Variants in CLEC16A observed in about 807,000 individuals in gnomAD.
CLEC16A encodes protein CLEC16A.
In CLEC16A, 51 loss-of-function variants were observed where a neutral mutation model predicts 109.5. The ratio of observed to expected loss-of-function variants is 0.47; its 90% CI spans 0.37 to 0.59. The LOEUF is 0.59. Ranked by LOEUF, CLEC16A falls within the 20% of genes least tolerant of loss-of-function variation. The pLI, the probability that CLEC16A is intolerant of heterozygous loss-of-function variation, is 0.00. For synonymous variants in CLEC16A, 673 were observed against 564.2 expected (o/e 1.19, Z -2.73); for missense variants, 1,339 against 1,394.0 (o/e 0.96, Z 0.63).
chr16:11,020,909 G>C (rs904444340), intron 12 of CLEC16A, among the ~76,000 whole-genome samples: 5 of 152,204 alleles, frequency 3.3e-5, no homozygotes, highest in Non-Finnish European at 7.3e-5. Context: ...TCCACAATGG[G>C]ATTGGAGGGA....
chr16:11,024,752 C>A, intron 12 of CLEC16A, 69 bp from the exon 13 acceptor site: 1 of 1,208,998 alleles, frequency 8.3e-7, no homozygotes, highest in Non-Finnish European at 1.2e-6. Context: ...ACCCCATGTG[C>A]AGGTTAGAGA....
At chr16:11,034,976 C>G (rs567265810) in intron 13 of CLEC16A, among the ~76,000 whole-genome samples, 1 of 152,120 alleles carries the variant, frequency 6.6e-6, no homozygotes, top group Non-Finnish European at 1.5e-5. Context: ...AGCCGTCTTA[C>G]CTTTCACATG....
chr16:11,049,356 C>T (rs973639778), intron 17 of CLEC16A, among the ~76,000 whole-genome samples: 3 of 152,118 alleles, frequency 2.0e-5, no homozygotes, highest in Non-Finnish European at 2.9e-5. Flanking sequence ...CATAGCCACC[C>T]AGGCTGTATA....
At chr16:10,979,834 C>G (rs1018238493) in intron 9 of CLEC16A, among the ~76,000 whole-genome samples, 3 of 152,144 alleles carry the variant, frequency 2.0e-5, no homozygotes, top group African/African-American at 7.2e-5. Context: ...TATCGCGGTT[C>G]TAGTTCCCAG....
intron 10 of CLEC16A, among the ~76,000 whole-genome samples, chr16:10,996,069 G>A (rs1460343815): frequency 1.3e-5 from 2 of 152,076 alleles, no homozygotes; most frequent in Non-Finnish European, 2.9e-5. Flanking sequence ...CCCTGGGCAG[G>A]CTGCCTGGTG....
chr16:10,962,408 T>C (rs749286930), intron 2 of CLEC16A, 47 bp from the exon 3 acceptor site: 1 of 1,611,850 alleles, frequency 6.2e-7, no homozygotes, highest in Non-Finnish European at 8.5e-7. Context: ...AATTTCTGTT[T>C]CCACATGTGG....
At chr16:10,973,791 G>A (rs1449327913) in intron 7 of CLEC16A, among the ~76,000 whole-genome samples, 1 of 148,754 alleles carries the variant, frequency 6.7e-6, no homozygotes, top group South Asian at 2.1e-4. Flanking sequence ...GGCCAATCTT[G>A]CATTCCTGGG....
chr16:11,116,635 G>A (rs1454418257), intron 19 of CLEC16A, among the ~76,000 whole-genome samples: 1 of 152,150 alleles, frequency 6.6e-6, no homozygotes, highest in African/African-American at 2.4e-5. Flanking sequence ...ACCCGAGAAA[G>A]GAAAGAGAAA....
intron 23 of CLEC16A, among the ~76,000 whole-genome samples, chr16:11,166,923 C>T (rs2068291528): frequency 6.6e-6 from 1 of 152,044 alleles, no homozygotes; most frequent in Non-Finnish European, 1.5e-5. Context: ...AAAAGAATCG[C>T]GTTCCTGCTG....
intron 19 of CLEC16A, among the ~76,000 whole-genome samples, chr16:11,065,452 T>C (rs1163729092): frequency 6.6e-6 from 1 of 152,212 alleles, no homozygotes; most frequent in Non-Finnish European, 1.5e-5. Context: ...GAAGACCCAT[T>C]CATGCATTCA....
intron 19 of CLEC16A, among the ~76,000 whole-genome samples, chr16:11,085,328 A>G (rs887917990): frequency 2.0e-5 from 3 of 152,270 alleles, no homozygotes; most frequent in Non-Finnish European, 4.4e-5. Context: ...TAAGAAACAG[A>G]TGGCGGGATG....
chr16:11,149,828 G>C (rs918896885), intron 22 of CLEC16A: 3 of 151,196 alleles, frequency 2.0e-5, no homozygotes, highest in Non-Finnish European at 4.4e-5. Context: ...TGCGACTTAA[G>C]ACCCCATCAG....
At chr16:11,081,756 A>T (rs2049731983) in intron 19 of CLEC16A, among the ~76,000 whole-genome samples, 1 of 152,210 alleles carries the variant, frequency 6.6e-6, no homozygotes, top group African/African-American at 2.4e-5. Context: ...TTTCTCCAGG[A>T]AAGGATTAGA....
chr16:10,953,066 A>G (rs920949508), intron 1 of CLEC16A, among the ~76,000 whole-genome samples: 2 of 152,256 alleles, frequency 1.3e-5, no homozygotes. Flanking sequence ...TAAAAGGGCC[A>G]AGAATAGGCA....
chr16:11,130,228 G>A (rs559505649), intron 22 of CLEC16A, among the ~76,000 whole-genome samples: 1 of 152,266 alleles, frequency 6.6e-6, no homozygotes, highest in African/African-American at 2.4e-5. Flanking sequence ...ACTTAGTATC[G>A]TTGAGTGAAG....
intron 22 of CLEC16A, among the ~76,000 whole-genome samples, chr16:11,165,197 A>C (rs1278732024): frequency 6.6e-6 from 1 of 152,144 alleles, no homozygotes; most frequent in Non-Finnish European, 1.5e-5. Flanking sequence ...TTTATCGTAA[A>C]GAACACGTAT....
chr16:11,057,810 A>G (rs1402684602), intron 18 of CLEC16A, among the ~76,000 whole-genome samples: 1 of 152,246 alleles, frequency 6.6e-6, no homozygotes, highest in African/African-American at 2.4e-5. Flanking sequence ...TTGGAAGAAC[A>G]CAGAGCTTGG....
At chr16:10,995,675 A>T (rs1382793886) in intron 10 of CLEC16A, among the ~76,000 whole-genome samples, 1 of 152,008 alleles carries the variant, frequency 6.6e-6, no homozygotes, top group Non-Finnish European at 1.5e-5. Flanking sequence ...GTGGCGTGTG[A>T]TATGGAACTA....
intron 11 of CLEC16A, among the ~76,000 whole-genome samples, chr16:11,019,793 A>G (rs1043997801): frequency 3.3e-5 from 5 of 151,620 alleles, no homozygotes; most frequent in Non-Finnish European, 7.4e-5. Context: ...AAAAAAATGT[A>G]AGGAGCTTTA....
Sources: allele counts gnomAD v4.1 joint callset (sites outside exome capture counted in the v4.1 genomes callset), GRCh38; gene constraint gnomAD v4.1.1; transcripts MANE v1.5; gene names NCBI Gene and HGNC (gene_info 2026-07-23, HGNC 2026-07-21).